The following PTPRJ variants were observed in gnomAD, a reference collection of about 807,000 sequenced individuals.
The protein encoded by PTPRJ is protein tyrosine phosphatase receptor type J, also known as receptor-type tyrosine-protein phosphatase eta.
A neutral mutation model predicts 141.3 loss-of-function variants in PTPRJ; 129 were observed. The ratio of observed to expected loss-of-function variants is 0.91; its 90% CI spans 0.79 to 1.06. PTPRJ has a LOEUF of 1.06. Ranked by LOEUF, PTPRJ falls within the 50% of genes least tolerant of loss-of-function variation. The probability of loss-of-function intolerance (pLI) is 0.00; values close to 1 mark genes in which losing one functional copy is unlikely to be tolerated. For missense variants in PTPRJ, 1,601 were observed against 1,679.7 expected, an observed-to-expected ratio of 0.95 and a Z score of 0.82; for synonymous variants, 610 against 640.5, an observed-to-expected ratio of 0.95 and a Z score of 0.72.
At chr11:48,066,376 C>T (rs1308062546) in intron 1 of PTPRJ, among the ~76,000 whole-genome samples, 4 of 151,798 alleles carry the variant, frequency 2.6e-5, no homozygotes, top group Non-Finnish European at 5.9e-5. Context: ...ATGTAGTTAC[C>T]CTAATGGGTC....
In PTPRJ at chr11:48,086,177, T is replaced by A. The variant is rs78304146; in HGVS notation, c.97-23881T>A. 7.9e-3 allele frequency among the ~76,000 whole-genome samples: 1,201 copies of A among 152,238 alleles called. 17 individuals are homozygous for A. The highest frequency in any genetic ancestry group is 0.026 in the African/African-American group (1,067 of 41,538). Reference sequence around the variant, plus strand: ...AGGCAAAAAGGACATTTATTATATTTAAAAAAAATTTTTTTTTTGAGACGG... The same window carrying A: ...AGGCAAAAAGGACATTTATTATATTAAAAAAAAATTTTTTTTTTGAGACGG... On this transcript the variant is annotated intron_variant, in intron 1 of 24. Coordinates refer to ENST00000418331, the MANE Select transcript of PTPRJ (RefSeq NM_002843.4).
intron 20 of PTPRJ, 37 bp downstream of exon 20, chr11:48,155,911 T>C: frequency 1.9e-6 from 3 of 1,588,358 alleles, no homozygotes; most frequent in East Asian, 2.2e-5. Flanking sequence ...CTGGACTGTT[T>C]CGATGAAATC....
chr11:48,163,509 C>T lies in PTPRJ; in HGVS notation c.3610C>T (p.Pro1204Ser), dbSNP rs766514945. 5.6e-6 allele frequency: 9 copies of T among 1,613,964 alleles called. No homozygotes were observed. Among genetic ancestry groups the T allele is most frequent in the East Asian group, 2.2e-5 (1 of 44,876 alleles). Residue 1204 changes from proline (P) to serine (S), a missense_variant, in exon 23 of 25, where the codon CCA becomes TCA. By Grantham distance (74) the Pro-to-Ser change is moderately conservative. Transcript: ENST00000418331. ...PLRQFHFTSWPDHGVPDTTDL... is the reference protein window; with the variant it reads ...PLRQFHFTSWSDHGVPDTTDL... Reference sequence around the variant, plus strand: ...GAGACAGTTCCATTTCACCTCCTGGCCAGACCACGGTGTTCCCGACACCAC... The same window carrying T: ...GAGACAGTTCCATTTCACCTCCTGGTCAGACCACGGTGTTCCCGACACCAC...
chr11:48,019,508 A>G (rs751819284), intron 1 of PTPRJ, among the ~76,000 whole-genome samples: 3 of 152,152 alleles, frequency 2.0e-5, no homozygotes, highest in Non-Finnish European at 4.4e-5. Flanking sequence ...AAAGTACAAT[A>G]TAATGACTCA....
intron 18 of PTPRJ, among the ~76,000 whole-genome samples, chr11:48,151,017 G>GT (rs1447373472): frequency 6.6e-6 from 1 of 152,130 alleles, no homozygotes; most frequent in Non-Finnish European, 1.5e-5. Context: ...TGTAATGTTA[G>GT]TTTTTTCTGT....
chr11:48,153,540 G>T (rs1253193860), intron 18 of PTPRJ, among the ~76,000 whole-genome samples: 3 of 151,028 alleles, frequency 2.0e-5, no homozygotes, highest in Non-Finnish European at 4.4e-5. Flanking sequence ...GTAGGGAGGG[G>T]CAAGGAGGCA....
intron 1 of PTPRJ, among the ~76,000 whole-genome samples, chr11:48,029,074 G>A (rs1424148979): frequency 2.0e-5 from 3 of 152,178 alleles, no homozygotes; most frequent in African/African-American, 7.2e-5. Context: ...TTGGCCCTAG[G>A]CCTGCAGTGT....
intron 1 of PTPRJ, among the ~76,000 whole-genome samples, chr11:48,064,882 A>C (rs961850717): frequency 6.6e-6 from 1 of 151,708 alleles, no homozygotes; most frequent in African/African-American, 2.4e-5. Context: ...TGACCTTCCA[A>C]AGTGCTAGGA....
chr11:48,019,596 G>A (rs756584600), intron 1 of PTPRJ, among the ~76,000 whole-genome samples: 5 of 152,220 alleles, frequency 3.3e-5, no homozygotes, highest in Admixed American at 6.5e-5. Flanking sequence ...CCCTGTGTGA[G>A]ACTCAGGAAC....
intron 1 of PTPRJ, among the ~76,000 whole-genome samples, chr11:48,047,244 T>G (rs1369356493): frequency 6.6e-6 from 1 of 152,116 alleles, no homozygotes; most frequent in Non-Finnish European, 1.5e-5. Context: ...AAAAGCAGTT[T>G]GCAGAAGAAT....
chr11:48,127,818 A>G lies in PTPRJ; in HGVS notation c.1132A>G (p.Ser378Gly), dbSNP rs759416027. ...TTTTGACGTCACCGCTGTGAACATCAGTGCCACAAGCCTGACCCTGATCTG... is the reference window on the plus strand; with the variant it reads ...TTTTGACGTCACCGCTGTGAACATCGGTGCCACAAGCCTGACCCTGATCTG... Reference protein sequence around the residue: ...QVFDVTAVNISATSLTLIWKV... With the variant: ...QVFDVTAVNIGATSLTLIWKV... The change falls in exon 7 of 25, where the codon AGT becomes GGT. Residue 378 changes from serine to glycine, a missense_variant. By Grantham distance (56) the Ser-to-Gly change is moderately conservative. Transcript: ENST00000418331. The G allele has an allele frequency of 3.1e-6, 5 of 1,614,198 alleles. No individual in the cohort carries two copies. Among genetic ancestry groups the G allele is most frequent in the Non-Finnish European group, 4.2e-6 (5 of 1,180,030 alleles).
At chr11:47,982,537 G>C (rs1324339939) in intron 1 of PTPRJ, among the ~76,000 whole-genome samples, 1 of 151,982 alleles carries the variant, frequency 6.6e-6, no homozygotes, top group Non-Finnish European at 1.5e-5. Context: ...AGTTAAAAAA[G>C]CCTTGTATTT....
At chr11:48,014,983 G>T (rs567549235) in intron 1 of PTPRJ, among the ~76,000 whole-genome samples, 1 of 152,302 alleles carries the variant, frequency 6.6e-6, no homozygotes, top group Admixed American at 6.5e-5. Context: ...TGGGATTACA[G>T]GTGTGAGCCA....
intron 1 of PTPRJ, among the ~76,000 whole-genome samples, chr11:48,058,273 A>G (rs1280392036): frequency 6.6e-6 from 1 of 152,012 alleles, no homozygotes; most frequent in Non-Finnish European, 1.5e-5. Context: ...TGGTGTGATC[A>G]TAGCTCACTG....
chr11:48,111,079 A>C (rs7127635), intron 2 of PTPRJ, among the ~76,000 whole-genome samples: 150,244 of 152,076 alleles, frequency 0.99, 74,245 homozygotes, highest in Middle Eastern at 1. Context: ...GAGTTCGAGA[A>C]CAGCTTGGCC....
intron 4 of PTPRJ, among the ~76,000 whole-genome samples, chr11:48,123,252 A>G (rs1387333054): frequency 6.6e-6 from 1 of 152,256 alleles, no homozygotes; most frequent in Non-Finnish European, 1.5e-5. Context: ...TGTTCCTGAT[A>G]TCTAAAACAC....
chr11:48,127,389 C>T (rs1444965702), intron 6 of PTPRJ, among the ~76,000 whole-genome samples: 1 of 152,198 alleles, frequency 6.6e-6, no homozygotes, highest in Non-Finnish European at 1.5e-5. Flanking sequence ...CCTGCCTCGT[C>T]CTGACTTCTG....
chr11:48,060,122 G>A (rs1054039648), intron 1 of PTPRJ, among the ~76,000 whole-genome samples: 23 of 152,130 alleles, frequency 1.5e-4, no homozygotes, highest in South Asian at 6.2e-4. Context: ...TCACACTTTC[G>A]AAAGTGAAGA....
chr11:48,129,204 G>A (rs932109045), intron 7 of PTPRJ, among the ~76,000 whole-genome samples: 2 of 152,208 alleles, frequency 1.3e-5, no homozygotes, highest in African/African-American at 4.8e-5. Context: ...GGAAGAGCTG[G>A]TGTATTAGTT....
Sources: gnomAD v4.1 joint callset for allele counts (sites outside exome capture counted in the v4.1 genomes callset) on GRCh38, gnomAD v4.1.1 for gene constraint, MANE v1.5 for transcripts, NCBI Gene and HGNC (gene_info 2026-07-23, HGNC 2026-07-21) for gene names.